ATRNL1: variants seen among roughly 807,000 people sequenced by gnomAD.
ATRNL1 encodes the protein attractin-like protein 1.
A neutral mutation model predicts 182.7 loss-of-function variants in ATRNL1; 95 were observed. The observed-to-expected ratio is 0.52, with a 90% CI of 0.44 to 0.62. ATRNL1 has a LOEUF of 0.62. Ranked by LOEUF, ATRNL1 falls within the 20% of genes least tolerant of loss-of-function variation. The pLI, the probability that ATRNL1 is intolerant of heterozygous loss-of-function variation, is 0.00. For missense variants in ATRNL1, 1,471 were observed against 1,679.5 expected, an observed-to-expected ratio of 0.88 and a Z score of 2.17; for synonymous variants, 576 against 568.3, an observed-to-expected ratio of 1.01 and a Z score of -0.19.
At chr10:115,403,616 G>A (rs1374548011) in intron 20 of ATRNL1, among the ~76,000 whole-genome samples, 2 of 151,834 alleles carry the variant, frequency 1.3e-5, no homozygotes, top group Admixed American at 1.3e-4. Context: ...CACCGCACCC[G>A]GCTAATTTTT....
At chr10:115,670,352 A>AT (rs1317516445) in intron 26 of ATRNL1, among the ~76,000 whole-genome samples, 3 of 152,138 alleles carry the variant, frequency 2.0e-5, no homozygotes, top group African/African-American at 7.2e-5. Context: ...AGTTCCAGTC[A>AT]TTGTTATTAA....
At chr10:115,438,971 CTGT>C in intron 21 of ATRNL1, among the ~76,000 whole-genome samples, 1 of 152,028 alleles carries the variant, frequency 6.6e-6, no homozygotes, top group South Asian at 2.1e-4. Context: ...TAATAGGATA[CTGT>C]TGGCCAGAAA....
chr10:115,658,523 A>G (rs1860479142), intron 26 of ATRNL1, among the ~76,000 whole-genome samples: 1 of 152,088 alleles, frequency 6.6e-6, no homozygotes, highest in African/African-American at 2.4e-5. Context: ...TAGTGATAGG[A>G]ATAATTTGAT....
intron 27 of ATRNL1, among the ~76,000 whole-genome samples, chr10:115,783,802 C>T (rs1209558543): frequency 1.3e-5 from 2 of 152,220 alleles, no homozygotes; most frequent in African/African-American, 2.4e-5. Context: ...ATCATGAGGT[C>T]AAGAGATTGA....
chr10:115,101,373 A>T (rs1179814524), intron 1 of ATRNL1, among the ~76,000 whole-genome samples: 2 of 152,022 alleles, frequency 1.3e-5, no homozygotes, highest in African/African-American at 4.8e-5. Context: ...CACACTGAGA[A>T]AGTTCCCTTC....
At chr10:115,167,364 G>T (rs1554884634) in intron 7 of ATRNL1, among the ~76,000 whole-genome samples, 1 of 151,914 alleles carries the variant, frequency 6.6e-6, no homozygotes, top group Non-Finnish European at 1.5e-5. Context: ...TATTTCTCAA[G>T]ATTGTTTTGG....
At chr10:115,656,386 C>A (rs1167052993) in intron 26 of ATRNL1, among the ~76,000 whole-genome samples, 1 of 152,102 alleles carries the variant, frequency 6.6e-6, no homozygotes, top group African/African-American at 2.4e-5. Context: ...GCACATTCTC[C>A]CCATATCTGT....
chr10:115,534,718 T>G (rs1468777907), intron 25 of ATRNL1, among the ~76,000 whole-genome samples: 12 of 152,024 alleles, frequency 7.9e-5, no homozygotes, highest in Non-Finnish European at 1.0e-4. Context: ...TCTTTACATT[T>G]TGGCATGATT....
At chr10:115,480,429 T>C (rs1054060533) in intron 24 of ATRNL1, among the ~76,000 whole-genome samples, 7 of 151,208 alleles carry the variant, frequency 4.6e-5, no homozygotes, top group African/African-American at 1.7e-4. Flanking sequence ...GAAGAAGTTA[T>C]CATATATATT....
At chr10:115,944,098 T>G (rs1953809953) in intron 28 of ATRNL1, among the ~76,000 whole-genome samples, 1 of 151,798 alleles carries the variant, frequency 6.6e-6, no homozygotes, top group African/African-American at 2.4e-5. Flanking sequence ...TGTATGATAC[T>G]GTAATGGTGG....
chr10:115,612,076 C>A (rs1857189795), intron 26 of ATRNL1, among the ~76,000 whole-genome samples: 1 of 152,080 alleles, frequency 6.6e-6, no homozygotes, highest in South Asian at 2.1e-4. Flanking sequence ...CATGGTGAAA[C>A]CCCATCTCTA....
intron 26 of ATRNL1, among the ~76,000 whole-genome samples, chr10:115,697,220 C>T (rs1946592349): frequency 6.6e-6 from 1 of 152,034 alleles, no homozygotes; most frequent in Non-Finnish European, 1.5e-5. Context: ...GAAAAGTGTT[C>T]ATGTCCTTTG....
intron 28 of ATRNL1, among the ~76,000 whole-genome samples, chr10:115,939,618 C>T (rs1953666077): frequency 6.6e-6 from 1 of 152,132 alleles, no homozygotes; most frequent in South Asian, 2.1e-4. Context: ...ATGAATTGTT[C>T]CCCCAGTTAA....
intron 8 of ATRNL1, among the ~76,000 whole-genome samples, chr10:115,190,961 A>T (rs1268939052): frequency 6.6e-6 from 1 of 152,122 alleles, no homozygotes; most frequent in Non-Finnish European, 1.5e-5. Context: ...TGTAAGTGAG[A>T]ATACGTGATA....
At chr10:115,572,033 C>T (rs1367804910) in intron 26 of ATRNL1, among the ~76,000 whole-genome samples, 1 of 151,804 alleles carries the variant, frequency 6.6e-6, no homozygotes, top group Non-Finnish European at 1.5e-5. Context: ...AAAGAGACTA[C>T]CTAGAGATGG....
chr10:115,329,602 C>T (rs558159907), intron 18 of ATRNL1, among the ~76,000 whole-genome samples: 19 of 152,124 alleles, frequency 1.2e-4, no homozygotes, highest in Admixed American at 7.2e-4. Context: ...GTTCTATCCT[C>T]TTGTATTGAT....
chr10:115,559,933 GA>G (rs1853594033), intron 26 of ATRNL1, among the ~76,000 whole-genome samples: 1 of 152,154 alleles, frequency 6.6e-6, no homozygotes, highest in African/African-American at 2.4e-5. Context: ...AGATTGGGAA[GA>G]AAGAAGTAAA....
intron 25 of ATRNL1, among the ~76,000 whole-genome samples, chr10:115,534,803 T>C (rs1444787313): frequency 2.6e-5 from 4 of 151,070 alleles, no homozygotes; most frequent in Non-Finnish European, 5.9e-5. Context: ...GCAGGCCTGG[T>C]GGTGACAAAA....
intron 26 of ATRNL1, among the ~76,000 whole-genome samples, chr10:115,610,512 T>C (rs1416410077): frequency 2.0e-5 from 3 of 152,318 alleles, no homozygotes; most frequent in Admixed American, 2.0e-4. Flanking sequence ...TATTTATCAT[T>C]TTAGTCTTAT....
Sources: gnomAD v4.1 joint callset for allele counts (sites outside exome capture counted in the v4.1 genomes callset) on GRCh38, gnomAD v4.1.1 for gene constraint, MANE v1.5 for transcripts, NCBI Gene and HGNC (gene_info 2026-07-23, HGNC 2026-07-21) for gene names.